PRDM16: variants seen among roughly 807,000 people sequenced by gnomAD.
PRDM16 encodes histone-lysine N-methyltransferase PRDM16.
A neutral mutation model predicts 110.6 loss-of-function variants in PRDM16; 23 were observed. The observed-to-expected ratio is 0.21, with a 90% CI of 0.15 to 0.29. PRDM16 has a LOEUF of 0.29. Among genes scored for constraint, PRDM16 ranks in the 10% least tolerant of loss-of-function variants. The probability of loss-of-function intolerance (pLI) is 1.00; values close to 1 mark genes in which losing one functional copy is unlikely to be tolerated. For missense variants in PRDM16, 1,615 were observed against 1,794.3 expected (o/e 0.90, Z 1.81); for synonymous variants, 799 against 781.8 (o/e 1.02, Z -0.37).
Position 3,246,544 on chromosome 1 carries a change from G to A in PRDM16, c.438+2407G>A, listed in dbSNP as rs564769913. Among the ~76,000 whole-genome samples, 17 of 152,328 alleles carry A rather than the reference G, an allele frequency of 1.1e-4. No homozygotes were observed. The East Asian group carries it at 3.3e-3, about 29-fold the overall frequency. ...CCCCAGCCCAGGGCTCCTCCCTGCC[G>A]CTGCCCTGCAGGCCCAGTCCGAGGG... On this transcript the variant is annotated intron_variant, in intron 3 of 16. Coordinates refer to ENST00000270722, the MANE Select transcript of PRDM16 (RefSeq NM_022114.4). The surrounding 1 kb of genome is among the most constrained non-coding windows in gnomAD (Gnocchi z 5.2).
chr1:3,114,191 A>ACGCACACGCACACG (rs1553127267), intron 1 of PRDM16, among the ~76,000 whole-genome samples: 17 of 131,796 alleles, frequency 1.3e-4, no homozygotes, highest in African/African-American at 4.2e-4. Flanking sequence ...ACACGCACAC[A>ACGCACACGCACACG]CGCACACGCA....
chr1:3,295,518 G>A (rs1233296072), intron 3 of PRDM16, among the ~76,000 whole-genome samples: 1 of 152,158 alleles, frequency 6.6e-6, no homozygotes, highest in African/African-American at 2.4e-5. Context: ...CTTCAATGCA[G>A]GTGTGCAGGT....
chr1:3,335,602 A>AACACACATACACAC (rs1553164995), intron 3 of PRDM16, among the ~76,000 whole-genome samples: 2 of 144,326 alleles, frequency 1.4e-5, no homozygotes, highest in African/African-American at 5.3e-5. Context: ...CTGAGGTTAA[A>AACACACATACACAC]ACACACACAC....
At chr1:3,115,601 C>G (rs747964262) in intron 1 of PRDM16, among the ~76,000 whole-genome samples, 2 of 152,250 alleles carry the variant, frequency 1.3e-5, no homozygotes, top group Non-Finnish European at 2.9e-5. Flanking sequence ...CCGCCGTAAG[C>G]CTGAGTGAAG....
At chr1:3,310,869 ATGTGTGGGCATGCG>A (rs1226344472) in intron 3 of PRDM16, among the ~76,000 whole-genome samples, 1 of 151,150 alleles carries the variant, frequency 6.6e-6, no homozygotes, top group Non-Finnish European at 1.5e-5. Flanking sequence ...GTGTGTGTGC[ATGTGTGGGCATGCG>A]TGTGTGTGAG....
chr1:3,174,757 C>T (rs991329661), intron 1 of PRDM16, among the ~76,000 whole-genome samples: 4 of 152,116 alleles, frequency 2.6e-5, no homozygotes, highest in African/African-American at 7.2e-5. Context: ...GTCAGGGCTC[C>T]GTCTTCCCAG....
At chr1:3,289,698 C>A (rs1431989364) in intron 3 of PRDM16, among the ~76,000 whole-genome samples, 1 of 152,192 alleles carries the variant, frequency 6.6e-6, no homozygotes, top group African/African-American at 2.4e-5. Flanking sequence ...ACGGCACAGG[C>A]AAAGGCCCTG....
rs1276027794 is a variant in PRDM16, at chr1:3,240,716, C to G, written c.388-3371C>G. 3.3e-5 allele frequency among the ~76,000 whole-genome samples: 5 copies of G among 152,192 alleles called. No homozygotes were observed. In the East Asian group the frequency reaches 7.7e-4, roughly 23 times the overall value. The stretch of plus-strand genomic sequence containing the variant: ...GGCACCAAACAGCAAGCTGAGCCCC[C>G]CTGGGGCGGCGCCAGAACTCCAGAG... On this transcript the variant is annotated intron_variant, in intron 2 of 16. Coordinates refer to ENST00000270722, the MANE Select transcript of PRDM16 (RefSeq NM_022114.4).
intron 3 of PRDM16, among the ~76,000 whole-genome samples, chr1:3,270,514 G>A (rs1215149422): frequency 6.6e-6 from 1 of 151,484 alleles, no homozygotes; most frequent in African/African-American, 2.4e-5. Flanking sequence ...AGTCCCGGGG[G>A]AGGACAATCA....
chr1:3,098,777 G>T (rs1642466466), intron 1 of PRDM16, among the ~76,000 whole-genome samples: 1 of 152,210 alleles, frequency 6.6e-6, no homozygotes, highest in South Asian at 2.1e-4. Context: ...TGATGCCCTT[G>T]CTGCTCCAGC....
intron 8 of PRDM16, among the ~76,000 whole-genome samples, chr1:3,410,604 CT>C (rs1643669163): frequency 6.6e-6 from 1 of 152,202 alleles, no homozygotes; most frequent in South Asian, 2.1e-4. Context: ...AACCCAGAGG[CT>C]GCCTTCTCCG....
At chr1:3,240,866 G>A (rs1260382070) in intron 2 of PRDM16, among the ~76,000 whole-genome samples, 1 of 152,232 alleles carries the variant, frequency 6.6e-6, no homozygotes, top group African/African-American at 2.4e-5. Flanking sequence ...GCTGGGACCC[G>A]TGAGAGCAGC....
At chr1:3,258,502 T>G (rs1213271354) in intron 3 of PRDM16, among the ~76,000 whole-genome samples, 1 of 152,252 alleles carries the variant, frequency 6.6e-6, no homozygotes, top group Non-Finnish European at 1.5e-5. Flanking sequence ...AAACTGTTTC[T>G]TCTTGCCCAG....
intron 1 of PRDM16, among the ~76,000 whole-genome samples, chr1:3,140,745 G>A (rs926752416): frequency 8.5e-5 from 13 of 152,184 alleles, no homozygotes; most frequent in South Asian, 2.1e-4. Context: ...CCACAGTCAC[G>A]CGTCCCTCTC....
intron 1 of PRDM16, among the ~76,000 whole-genome samples, chr1:3,100,035 TCCTCTAAGCC>T (rs1349170275): frequency 3.3e-5 from 5 of 152,068 alleles, no homozygotes; most frequent in Non-Finnish European, 4.4e-5. Context: ...AGGAGCCTGC[TCCTCTAAGCC>T]CTGTCCTCTG....
chr1:3,159,112 G>T (rs1021396413), intron 1 of PRDM16, among the ~76,000 whole-genome samples: 1 of 152,230 alleles, frequency 6.6e-6, no homozygotes, highest in Admixed American at 6.5e-5. Context: ...CCCCTGATCG[G>T]TATTCCGCCA....
At chr1:3,103,398 T>G (rs1245596685) in intron 1 of PRDM16, among the ~76,000 whole-genome samples, 1 of 152,134 alleles carries the variant, frequency 6.6e-6, no homozygotes, top group Non-Finnish European at 1.5e-5. Context: ...ACCTTAGTCG[T>G]CTCTTTAGAG....
intron 3 of PRDM16, among the ~76,000 whole-genome samples, chr1:3,291,975 C>T (rs984075103): frequency 6.6e-6 from 1 of 152,244 alleles, no homozygotes; most frequent in Non-Finnish European, 1.5e-5. Context: ...CCTTTGGGGC[C>T]TACCCGGTGC....
rs748041218 is a variant in PRDM16, at chr1:3,411,878, G to A, written c.1681G>A (p.Ala561Thr). ...GAACCCAGCCCTGCCCCTGGTCTCC[G>A]CCGTCAGCAACAGCAGCCAGGGCAC... ...LGNPALPLVS[A>T]VSNSSQGTTA... The change falls in exon 9 of 17, where the codon GCC becomes ACC. Residue 561 changes from alanine (A) to threonine (T), a missense_variant. By Grantham distance (58) the Ala-to-Thr change is moderately conservative. Around this residue, in one of 5 missense-constraint regions of PRDM16, gnomAD observed 772 missense variants for 748.3 expected, o/e 1.03. Transcript: ENST00000270722. The A allele has an allele frequency of 6.8e-6, 11 of 1,612,636 alleles. No homozygotes were observed. Among genetic ancestry groups the A allele is most frequent in the South Asian group, 5.5e-5 (5 of 90,996 alleles).
Sources: gnomAD v4.1 joint callset for allele counts (sites outside exome capture counted in the v4.1 genomes callset) on GRCh38, gnomAD v4.1.1 for gene constraint, gnomAD v4.1.1 regional missense constraint, Gnocchi (gnomAD v3.1) non-coding constraint, MANE v1.5 for transcripts, NCBI Gene and HGNC (gene_info 2026-07-23, HGNC 2026-07-21) for gene names.